The following ENTREP2 variants were observed in gnomAD, a reference collection of about 807,000 sequenced individuals.
The protein encoded by ENTREP2 is endosomal transmembrane epsin interactor 2, also known as protein ENTREP2.
At chr15:29,577,127 A>AG in the ENTREP2 span, among the ~76,000 whole-genome samples, 2 of 152,012 alleles carry the variant, frequency 1.3e-5, no homozygotes, top group Non-Finnish European at 1.5e-5. Context: ...TTTAAAAAAA[A>AG]AAAGAAAGAA....
the ENTREP2 span, chr15:29,233,693 C>G: frequency 8.4e-7 from 1 of 1,184,430 alleles, no homozygotes; most frequent in African/African-American, 1.5e-5. Flanking sequence ...TCTCCTGTTG[C>G]ACGCACTCTG....
chr15:29,444,475 CT>C, the ENTREP2 span, among the ~76,000 whole-genome samples: 65,111 of 140,062 alleles, frequency 0.46, 15,587 homozygotes, highest in Non-Finnish European at 0.55. Flanking sequence ...TTCTTTTTTT[CT>C]TTTTTTTCTT....
At chr15:29,512,898 C>T in the ENTREP2 span, among the ~76,000 whole-genome samples, 21 of 152,316 alleles carry the variant, frequency 1.4e-4, no homozygotes, top group Middle Eastern at 3.4e-3. Context: ...GCCACCACCA[C>T]GCTCTATAGT....
chr15:29,426,244 T>C, the ENTREP2 span, among the ~76,000 whole-genome samples: 1 of 152,168 alleles, frequency 6.6e-6, no homozygotes, highest in Non-Finnish European at 1.5e-5. Flanking sequence ...CTTAGAAATC[T>C]TGCATACAGA....
the ENTREP2 span, chr15:29,123,482 C>T: frequency 1.9e-6 from 3 of 1,551,730 alleles, no homozygotes; most frequent in Admixed American, 3.9e-5. Context: ...AACTTGGCCA[C>T]CAAAACCCTG....
the ENTREP2 span, among the ~76,000 whole-genome samples, chr15:29,507,448 GT>G: frequency 6.6e-6 from 1 of 152,108 alleles, no homozygotes; most frequent in Non-Finnish European, 1.5e-5. Context: ...AATCAACAGA[GT>G]ATACATTCTT....
the ENTREP2 span, chr15:29,195,412 T>G: frequency 2.8e-6 from 2 of 719,244 alleles, no homozygotes; most frequent in Non-Finnish European, 1.7e-6. Context: ...CAGTTTCCCA[T>G]CCCCTGCATA....
chr15:29,127,347 T>A, the ENTREP2 span, among the ~76,000 whole-genome samples: 4 of 152,102 alleles, frequency 2.6e-5, no homozygotes, highest in African/African-American at 9.7e-5. Flanking sequence ...GTTGCCTGCA[T>A]GGGGGACACT....
At chr15:29,392,592 GATC>G in the ENTREP2 span, among the ~76,000 whole-genome samples, 5 of 152,142 alleles carry the variant, frequency 3.3e-5, no homozygotes, top group Middle Eastern at 6.3e-3. Flanking sequence ...AGACTTTTGA[GATC>G]ATCTCCTTGC....
chr15:29,619,379 C>G, the ENTREP2 span, among the ~76,000 whole-genome samples: 1 of 151,726 alleles, frequency 6.6e-6, no homozygotes, highest in Non-Finnish European at 1.5e-5. Flanking sequence ...GGTGACAGAG[C>G]GAGACTCCAT....
At chr15:29,242,979 A>G in the ENTREP2 span, among the ~76,000 whole-genome samples, 1 of 152,228 alleles carries the variant, frequency 6.6e-6, no homozygotes, top group Non-Finnish European at 1.5e-5. Flanking sequence ...CAAGGCAGGG[A>G]CGTGGTGCCC....
the ENTREP2 span, among the ~76,000 whole-genome samples, chr15:29,273,261 C>T: frequency 9.5e-5 from 14 of 148,082 alleles, no homozygotes; most frequent in South Asian, 4.3e-4. Flanking sequence ...TGCAGTGTCA[C>T]GATCTTGGCT....
At chr15:29,585,529 GTGGAGCCTTTA>G in the ENTREP2 span, among the ~76,000 whole-genome samples, 1 of 152,166 alleles carries the variant, frequency 6.6e-6, no homozygotes, top group Non-Finnish European at 1.5e-5. Context: ...TATGGAGAAA[GTGGAGCCTTTA>G]TACAGCCAGT....
chr15:29,448,114 T>A, the ENTREP2 span, among the ~76,000 whole-genome samples: 2 of 152,134 alleles, frequency 1.3e-5, no homozygotes, highest in Non-Finnish European at 2.9e-5. Flanking sequence ...ATTATTTAAA[T>A]TTTTTTGAAC....
At chr15:29,238,493 A>AG in the ENTREP2 span, among the ~76,000 whole-genome samples, 3,670 of 152,066 alleles carry the variant, frequency 0.024, 148 homozygotes, top group African/African-American at 0.084. Context: ...AAAATTATTC[A>AG]GCTTGGTGGG....
chr15:29,409,350 T>G, the ENTREP2 span, among the ~76,000 whole-genome samples: 2 of 151,290 alleles, frequency 1.3e-5, no homozygotes, highest in African/African-American at 4.8e-5. Flanking sequence ...TAATTTTTCT[T>G]TTTTTTTTGG....
the ENTREP2 span, among the ~76,000 whole-genome samples, chr15:29,587,044 A>G: frequency 1.3e-5 from 2 of 152,070 alleles, no homozygotes; most frequent in African/African-American, 4.8e-5. Context: ...TTGGAGACAT[A>G]CCCAGGCTAG....
the ENTREP2 span, among the ~76,000 whole-genome samples, chr15:29,495,426 G>A: frequency 2.6e-5 from 4 of 152,002 alleles, no homozygotes; most frequent in Admixed American, 2.0e-4. Context: ...TTTTACTTTT[G>A]TTGCTTCTGT....
chr15:29,652,883 G>A, the ENTREP2 span, among the ~76,000 whole-genome samples: 1 of 152,222 alleles, frequency 6.6e-6, no homozygotes, highest in East Asian at 1.9e-4. Context: ...CAGCCTGCCA[G>A]GCTGAGTGGG....
Sources: allele counts gnomAD v4.1 joint callset (sites outside exome capture counted in the v4.1 genomes callset), GRCh38; gene constraint gnomAD v4.1.1; transcripts MANE v1.5; gene names NCBI Gene and HGNC (gene_info 2026-07-23, HGNC 2026-07-21).